The following BCL9L variants were observed in gnomAD, a reference collection of about 807,000 sequenced individuals.
The protein encoded by BCL9L is BCL9 like.
Under a neutral mutation model 99.4 loss-of-function variants are expected in BCL9L, and 19 were observed. The observed-to-expected ratio is 0.19, with a 90% CI of 0.13 to 0.28. BCL9L has a LOEUF of 0.28. Ranked by LOEUF, BCL9L falls within the 10% of genes least tolerant of loss-of-function variation. The pLI, the probability that BCL9L is intolerant of heterozygous loss-of-function variation, is 1.00. For synonymous variants in BCL9L, 900 were observed against 854.8 expected (o/e 1.05, Z -0.92); for missense variants, 2,023 against 2,101.6 (o/e 0.96, Z 0.73).
rs754986219 is a variant in BCL9L at position 118,898,758 on chromosome 11, C to T, written c.4157G>A (p.Gly1386Glu). The T allele has an allele frequency of 2.5e-6, 4 of 1,613,630 alleles. No homozygotes were observed. The highest frequency in any genetic ancestry group is 2.2e-5 in the East Asian group (1 of 44,866). ...AGGGTGGCACATGGACATGTTGAGC[C>T]CCCGCTGGACGCCCTGCTGGCCTGG... ...NLPGQQGVQR[G>E]LNMSMCHPGQ... Residue 1386 changes from glycine to glutamate, a missense_variant, in exon 10 of 10, where the codon GGG becomes GAG. Physicochemically the swap from Gly to Glu is moderately conservative, Grantham distance 98. Around this residue, in one of 3 missense-constraint regions of BCL9L, gnomAD observed 902 missense variants for 888.2 expected, o/e 1.02. Transcript: ENST00000683865.
intron 2 of BCL9L, among the ~76,000 whole-genome samples, 159 bp downstream of exon 2, chr11:118,918,667 G>A (rs1941048119): frequency 2.0e-5 from 3 of 151,792 alleles, no homozygotes; most frequent in Admixed American, 2.0e-4. Flanking sequence ...CCCTCCTCTG[G>A]AGGGAGGGGA....
Position 118,898,357 on chromosome 11 carries a change from C to A in BCL9L, c.*58G>T. The A allele has an allele frequency of 7.8e-7, 1 of 1,275,952 alleles. No individual in the cohort carries two copies. Among genetic ancestry groups the A allele is most frequent in the East Asian group, 4.8e-5 (1 of 20,762 alleles). The allele number at this position is 1,275,952 out of a possible 1,614,324, so 79.0% of individuals were successfully genotyped here. On this transcript the variant is annotated 3_prime_UTR_variant, in exon 10 of 10. Transcript: ENST00000683865. ...GCCATCCCAACATTGAGGGGAAGAA[C>A]TTTGTTAAGGTTATCGTATTTGCAA...
At chr11:118,916,416 T>C (rs1940964517) in intron 2 of BCL9L, among the ~76,000 whole-genome samples, 2 of 152,078 alleles carry the variant, frequency 1.3e-5, no homozygotes, top group African/African-American at 4.8e-5. Flanking sequence ...GGGCTCCTCA[T>C]CCAGAAGTTC....
intron 4 of BCL9L, 142 bp from the exon 5 acceptor site, chr11:118,907,744 CG>C: frequency 7.6e-7 from 1 of 1,318,230 alleles, no homozygotes; most frequent in South Asian, 1.4e-5. Flanking sequence ...TTCGCCAGCC[CG>C]TGGCCCCCAC....
Position 118,900,909 on chromosome 11 carries a change from A to G in BCL9L, c.2834T>C (p.Val945Ala). ...PTLSQVHSPL[V>A]TSPSANLKSP... The stretch of plus-strand genomic sequence containing the variant: ...CTTGAGGTTGGCAGAGGGCGAGGTG[A>G]CCAGGGGTGAGTGCACCTGGCTAAG... The change falls in exon 8 of 10, where the codon GTC (valine) becomes GCC (alanine). Residue 945 changes from valine (V) to alanine (A), a missense_variant. By Grantham distance (64) the Val-to-Ala change is moderately conservative. This residue lies in a region of BCL9L where 902 missense variants were observed against 888.2 expected (regional missense o/e 1.02). Coordinates refer to ENST00000683865, the MANE Select transcript of BCL9L (RefSeq NM_001378213.1). The surrounding 1 kb of genome is among the most constrained non-coding windows in gnomAD (Gnocchi z 5.3). 2 of 1,585,150 alleles carry G rather than the reference A, an allele frequency of 1.3e-6. No individual in the cohort carries two copies. Among genetic ancestry groups the G allele is most frequent in the Non-Finnish European group, 1.7e-6 (2 of 1,162,928 alleles).
intron 2 of BCL9L, among the ~76,000 whole-genome samples, chr11:118,917,130 C>A (rs146227710): frequency 2.6e-5 from 4 of 152,146 alleles, no homozygotes; most frequent in African/African-American, 9.7e-5. Flanking sequence ...GATGGGGAAG[C>A]GGCGGCAGCA....
rs1046110383 is a variant in BCL9L, at chr11:118,925,926, T to A, written c.-819A>T. Among the ~76,000 whole-genome samples, 1 of 152,100 alleles carries A rather than the reference T, an allele frequency of 6.6e-6. No homozygotes were observed. The highest frequency in any genetic ancestry group is 6.5e-5 in the Admixed American group (1 of 15,278). ...ACTCGGCTCCACTCCCCAGCCTGAA[T>A]AAGCATCGGGGCTCTCTGGCTGCCT... On this transcript the variant is annotated 5_prime_UTR_variant, in exon 1 of 10. Transcript: ENST00000683865. This position sits in a 1 kb window ranked among gnomAD's most constrained non-coding sequence, Gnocchi z 6.4.
Position 118,901,168 on chromosome 11 carries a change from T to C in BCL9L, c.2575A>G (p.Met859Val), listed in dbSNP as rs746329697. Residue 859 changes from methionine (M) to valine (V), a missense_variant, in exon 8 of 10, where the codon ATG becomes GTG. Met to Val is a conservative substitution (Grantham distance 21). Coordinates refer to ENST00000683865, the MANE Select transcript of BCL9L (RefSeq NM_001378213.1). The surrounding 1 kb of genome is among the most constrained non-coding windows in gnomAD (Gnocchi z 6.6). The part of the protein sequence containing the change: ...FSGGQGPYQA[M>V]SQDMGNTQDM... ...TGGGTATTGCCCATGTCCTGGGACATGGCTTGGTAGGGTCCCTGGCCTCCA... is the reference window on the plus strand; with the variant it reads ...TGGGTATTGCCCATGTCCTGGGACACGGCTTGGTAGGGTCCCTGGCCTCCA... The C allele has an allele frequency of 6.2e-7, 1 of 1,614,002 alleles. No homozygotes were observed. Among genetic ancestry groups the C allele is most frequent in the South Asian group, 1.1e-5 (1 of 91,086 alleles).
rs1037261911 is a variant in BCL9L at position 118,914,379 on chromosome 11, C to T, written c.-76-4364G>A. On this transcript the variant is annotated intron_variant, in intron 2 of 9. Coordinates refer to ENST00000683865, the MANE Select transcript of BCL9L (RefSeq NM_001378213.1). This position sits in a 1 kb window ranked among gnomAD's most constrained non-coding sequence, Gnocchi z 4.4. ...CGCACCACGGTGGGACCTCACCCAG[C>T]GCCCGCCCGCCTGCCTGCCTGCTCT... Among the ~76,000 whole-genome samples the T allele has an allele frequency of 1.3e-5, 2 of 152,146 alleles. No individual in the cohort carries two copies. Among genetic ancestry groups the T allele is most frequent in the African/African-American group, 2.4e-5 (1 of 41,424 alleles).
At chr11:118,899,797 C>T in intron 9 of BCL9L, 120 bp downstream of exon 9, 1 of 1,377,018 alleles carries the variant, frequency 7.3e-7, no homozygotes, top group South Asian at 1.4e-5. Context: ...ATCCCGGAGC[C>T]TCCACCCCCA....
In BCL9L at chr11:118,902,363, G is replaced by C; in HGVS notation, c.1380C>G (p.Ser460Arg). 1 of 1,535,970 alleles carries C rather than the reference G, an allele frequency of 6.5e-7. No individual in the cohort carries two copies. Among genetic ancestry groups the C allele is most frequent in the Non-Finnish European group, 8.7e-7 (1 of 1,143,374 alleles). The change falls in exon 8 of 10, where the codon AGC becomes AGG. Residue 460 changes from serine to arginine, a missense_variant. Physicochemically the swap from Ser to Arg is moderately radical, Grantham distance 110 (BLOSUM62 -1). Around this residue, in one of 3 missense-constraint regions of BCL9L, gnomAD observed 1,116 missense variants for 1,194.6 expected, o/e 0.93. Coordinates refer to ENST00000683865, the MANE Select transcript of BCL9L (RefSeq NM_001378213.1). The surrounding 1 kb of genome is among the most constrained non-coding windows in gnomAD (Gnocchi z 7.8). Reference sequence around the variant, plus strand: ...AGGGTTCCTCATATTTCTTCAGCCCGCTGGGAGGGGCCGTGGGTGGCTGCT... The same window carrying C: ...AGGGTTCCTCATATTTCTTCAGCCCCCTGGGAGGGGCCGTGGGTGGCTGCT... ...PPQQPPTAPP[S>R]GLKKYEEPLQ...
At position 118,900,561 on chromosome 11, in the gene BCL9L, G is replaced by C; in HGVS notation, c.3124+58C>G. ...TCACTCACTGCCCAGCCCCAGCATG[G>C]ACACACTGCTCAGCGCCTGCCTGCC... On this transcript the variant is annotated intron_variant, in intron 8 of 9. Coordinates refer to ENST00000683865, the MANE Select transcript of BCL9L (RefSeq NM_001378213.1). The surrounding 1 kb of genome is among the most constrained non-coding windows in gnomAD (Gnocchi z 5.3). 1 of 1,543,504 alleles carries C rather than the reference G, an allele frequency of 6.5e-7. No homozygotes were observed. The highest frequency in any genetic ancestry group is 8.7e-7 in the Non-Finnish European group (1 of 1,148,348).
intron 2 of BCL9L, among the ~76,000 whole-genome samples, chr11:118,916,577 G>T (rs1319673841): frequency 6.6e-6 from 1 of 152,182 alleles, no homozygotes; most frequent in Non-Finnish European, 1.5e-5. Context: ...TGCAGCTCAG[G>T]GAAGGACTCT....
In BCL9L at chr11:118,901,763, T is replaced by A. The variant is rs780804832; in HGVS notation, c.1980A>T (p.Pro660=). 1.2e-4 allele frequency: 200 copies of A among 1,612,172 alleles called. No homozygotes were observed. The highest frequency in any genetic ancestry group is 1.6e-4 in the Non-Finnish European group (187 of 1,178,664). ...ATCGCTCCGCCTCACCCTGCCCACC[T>A]GGGTAGGGCATGGTGTTCTGGGCAA... The part of the protein sequence containing the change: ...SNFAQNTMPY[P]GGQGEAERFM... Residue 660 remains proline (P), a synonymous_variant, in exon 8 of 10, where the codon CCA becomes CCT. Coordinates refer to ENST00000683865, the MANE Select transcript of BCL9L (RefSeq NM_001378213.1). The surrounding 1 kb of genome is among the most constrained non-coding windows in gnomAD (Gnocchi z 6.6).
rs370748814 is a variant in BCL9L at position 118,902,121 on chromosome 11, T to G, written c.1622A>C (p.His541Pro). 3 of 1,614,070 alleles carry G rather than the reference T, an allele frequency of 1.9e-6. No homozygotes were observed. Among genetic ancestry groups the G allele is most frequent in the Non-Finnish European group, 2.5e-6 (3 of 1,180,006 alleles). ...CATGTCCTGCAGAGGACGGCTCCCATGCAGCCCAATCTGTTCCTCTTTCCG... is the reference window on the plus strand; with the variant it reads ...CATGTCCTGCAGAGGACGGCTCCCAGGCAGCCCAATCTGTTCCTCTTTCCG... Reference protein sequence around the residue: ...KRRKEEQIGLHGSRPLQDMMG... With the variant: ...KRRKEEQIGLPGSRPLQDMMG... The change falls in exon 8 of 10, where the codon CAT becomes CCT. Residue 541 changes from histidine to proline, a missense_variant. His to Pro is a moderately conservative substitution (Grantham distance 77). Transcript: ENST00000683865. This position sits in a 1 kb window ranked among gnomAD's most constrained non-coding sequence, Gnocchi z 7.8.
intron 3 of BCL9L, among the ~76,000 whole-genome samples, 157 bp from the exon 4 acceptor site, chr11:118,908,812 C>T (rs1268108967): frequency 6.6e-6 from 1 of 152,152 alleles, no homozygotes; most frequent in Non-Finnish European, 1.5e-5. Flanking sequence ...TACCTCCCTC[C>T]ATGGCTTCCT....
intron 1 of BCL9L, among the ~76,000 whole-genome samples, chr11:118,924,321 CCAGACACAGACA>C (rs55715016): frequency 6.7e-6 from 1 of 150,078 alleles, no homozygotes; most frequent in Non-Finnish European, 1.5e-5. Flanking sequence ...AGAGGTTCCC[CCAGACACAGACA>C]CAGACACAGA....
chr11:118,915,111 G>A (rs1006012207), intron 2 of BCL9L, among the ~76,000 whole-genome samples: 2 of 152,122 alleles, frequency 1.3e-5, no homozygotes, highest in Admixed American at 1.3e-4. Context: ...TCCAGCCTGG[G>A]CAACAGAGCG....
At position 118,925,816 on chromosome 11, in the gene BCL9L, C is replaced by G. The variant is rs1289778612; in HGVS notation, c.-709G>C. ...CGGCGGTGGTGCAGCGGCCCCGGGTCCGGGGCATGTCCAGCCACTGGCTCC... is the reference window on the plus strand; with the variant it reads ...CGGCGGTGGTGCAGCGGCCCCGGGTGCGGGGCATGTCCAGCCACTGGCTCC... On this transcript the variant is annotated 5_prime_UTR_variant, in exon 1 of 10. Coordinates refer to ENST00000683865, the MANE Select transcript of BCL9L (RefSeq NM_001378213.1). The surrounding 1 kb of genome is among the most constrained non-coding windows in gnomAD (Gnocchi z 6.4). 6.6e-6 allele frequency among the ~76,000 whole-genome samples: 1 copy of G among 150,604 alleles called. No individual in the cohort carries two copies. Among genetic ancestry groups the G allele is most frequent in the Non-Finnish European group, 1.5e-5 (1 of 67,556 alleles).
Sources: allele counts gnomAD v4.1 joint callset (sites outside exome capture counted in the v4.1 genomes callset), GRCh38; gene constraint gnomAD v4.1.1; regional missense constraint gnomAD v4.1.1; non-coding constraint Gnocchi (gnomAD v3.1); transcripts MANE v1.5; gene names NCBI Gene and HGNC (gene_info 2026-07-23, HGNC 2026-07-21).